FADS2: variants seen among roughly 807,000 people sequenced by gnomAD.
FADS2 encodes acyl-CoA 6-desaturase.
In FADS2, 18 loss-of-function variants were observed where a neutral mutation model predicts 61.2. The observed-to-expected ratio is 0.29, with a 90% CI of 0.20 to 0.44. FADS2 has a LOEUF of 0.44. Among genes scored for constraint, FADS2 ranks in the 20% least tolerant of loss-of-function variants. The pLI, the probability that FADS2 is intolerant of heterozygous loss-of-function variation, is 1.00. For missense variants in FADS2, 322 were observed against 572.7 expected, an observed-to-expected ratio of 0.56 and a Z score of 4.47; for synonymous variants, 203 against 223.9, an observed-to-expected ratio of 0.91 and a Z score of 0.83.
In FADS2 at chr11:61,821,175, A is replaced by G. The variant is rs552711248; in HGVS notation, c.141+4749A>G. Among the ~76,000 whole-genome samples, 9 of 152,318 alleles carry G rather than the reference A, an allele frequency of 5.9e-5. No individual in the cohort carries two copies. In the East Asian group the frequency reaches 1.5e-3, roughly 26 times the overall value. On this transcript the variant is annotated intron_variant, in intron 1 of 11. Coordinates refer to the FADS2 transcript ENST00000257261. ...TTTTAGGTTGCCACTTGTGAATACT[A>G]ACTGTTCTGGCCAAATTAATCCTCA... is the stretch of plus-strand genomic sequence containing the variant.
Position 61,816,947 on chromosome 11 carries a change from G to A in FADS2, c.141+521G>A. The A allele has an allele frequency of 2.2e-6, 3 of 1,375,896 alleles. No homozygotes were observed. The highest frequency in any genetic ancestry group is 3.9e-5 in the Admixed American group (1 of 25,886). 85.2% of individuals were successfully genotyped at this position (1,375,896 alleles called of 1,614,324 possible). A position where few individuals can be genotyped will look rare whatever the true frequency, so the allele number is the denominator to read the frequency against. The stretch of plus-strand genomic sequence containing the variant: ...GTTCCCATTGGCCGAGCCTCGTGGC[G>A]CGGGGAGCGAGATCCCGTCCCCCGG... On this transcript the variant is annotated intron_variant, in intron 1 of 11. Coordinates refer to the FADS2 transcript ENST00000257261. This position sits in a 1 kb window ranked among gnomAD's most constrained non-coding sequence, Gnocchi z 7.0.
intron 2 of FADS2, among the ~76,000 whole-genome samples, chr11:61,838,181 C>T (rs1193644752): frequency 1.3e-5 from 2 of 152,160 alleles, no homozygotes; most frequent in Non-Finnish European, 2.9e-5. Context: ...AAAGACAGGA[C>T]AGAAACACCG....
At chr11:61,835,755 C>T (rs564942968) in intron 1 of FADS2, among the ~76,000 whole-genome samples, 1 of 152,240 alleles carries the variant, frequency 6.6e-6, no homozygotes, top group East Asian at 1.9e-4. Flanking sequence ...CAAGCAAACA[C>T]CTGTGTATCC....
intron 6 of FADS2, 33 bp downstream of exon 6, chr11:61,857,104 A>G: frequency 6.4e-7 from 1 of 1,573,434 alleles, no homozygotes; most frequent in Non-Finnish European, 8.7e-7. Flanking sequence ...TCACTCTGGG[A>G]CCCTCCCCTC....
intron 5 of FADS2, among the ~76,000 whole-genome samples, chr11:61,849,184 C>A (rs904764235): frequency 2.6e-5 from 4 of 152,232 alleles, no homozygotes; most frequent in Non-Finnish European, 4.4e-5. Flanking sequence ...CATGAGCCAA[C>A]GTGCCCAGCC....
rs909222654 is a variant in FADS2, at chr11:61,816,876, CG to C, written c.141+453del. The C allele has an allele frequency of 6.8e-7, 1 of 1,476,878 alleles. No homozygotes were observed. The allele number at this position is 1,476,878 out of a possible 1,614,324, so 91.5% of individuals were successfully genotyped here. A position where few individuals can be genotyped will look rare whatever the true frequency, so the allele number is the denominator to read the frequency against. Reference sequence around the variant, plus strand: ...CGCCCAGAGCCAGCCGCCTGCGCGCCGGGTTTTCAGCACCGCAGGGCAGACC... The same window carrying C: ...CGCCCAGAGCCAGCCGCCTGCGCGCCGGTTTTCAGCACCGCAGGGCAGACC... On this transcript the variant is annotated intron_variant, in intron 1 of 11. Coordinates refer to the FADS2 transcript ENST00000257261. This position sits in a 1 kb window ranked among gnomAD's most constrained non-coding sequence, Gnocchi z 7.0.
At chr11:61,832,707 G>A (rs2067139400) in intron 1 of FADS2, among the ~76,000 whole-genome samples, 1 of 152,184 alleles carries the variant, frequency 6.6e-6, no homozygotes. Context: ...GCTGCAGAAA[G>A]GAAGTCAGCA....
chr11:61,816,458 A>T lies in FADS2; in HGVS notation c.141+32A>T, dbSNP rs750647716. The T allele has an allele frequency of 3.1e-6, 5 of 1,600,090 alleles. No homozygotes were observed. The East Asian group carries it at 8.9e-5, about 29-fold the overall frequency. On this transcript the variant is annotated intron_variant, in intron 1 of 11. Coordinates refer to the FADS2 transcript ENST00000257261. The surrounding 1 kb of genome is among the most constrained non-coding windows in gnomAD (Gnocchi z 7.0). ...TCAGGCGCCTCCGGGCTTTCCTCCG[A>T]ATTAGTCGGTGTTTGGCTCGGAGTG...
intron 2 of FADS2, among the ~76,000 whole-genome samples, chr11:61,838,443 AG>A (rs760535357): frequency 6.6e-6 from 1 of 152,162 alleles, no homozygotes; most frequent in Non-Finnish European, 1.5e-5. Context: ...GACAGGAGGC[AG>A]GGGCAGGGCA....
chr11:61,865,947 C>T lies in FADS2; in HGVS notation c.*258C>T. 1.9e-6 allele frequency: 1 copy of T among 536,322 alleles called. No homozygotes were observed. Among genetic ancestry groups the T allele is most frequent in the South Asian group, 2.9e-5 (1 of 34,590 alleles). 33.2% of individuals were successfully genotyped at this position (536,322 alleles called of 1,614,324 possible). A position where few individuals can be genotyped will look rare whatever the true frequency, so the allele number is the denominator to read the frequency against. ...TCCCAGTGCCTCCTAGCCCCTTCTTCCAAGGAGCAGAGAGGTGGCCACCGG... is the reference window on the plus strand; with the variant it reads ...TCCCAGTGCCTCCTAGCCCCTTCTTTCAAGGAGCAGAGAGGTGGCCACCGG... On this transcript the variant is annotated 3_prime_UTR_variant, in exon 12 of 12. Transcript: ENST00000278840. The surrounding 1 kb of genome is among the most constrained non-coding windows in gnomAD (Gnocchi z 4.1).
chr11:61,863,897 A>G lies in FADS2; in HGVS notation c.1157+111A>G, dbSNP rs1294170923. The G allele has an allele frequency of 6.6e-6, 6 of 903,854 alleles. No homozygotes were observed. In the East Asian group the frequency reaches 1.5e-4, roughly 23 times the overall value. 56.0% of individuals were successfully genotyped at this position (903,854 alleles called of 1,614,324 possible). ...GGGCCACCTCTTTGTCTCTCTGACA[A>G]GGTCTCTGCCCAATATAGAGCAAGG... On this transcript the variant is annotated intron_variant, in intron 10 of 11. Coordinates refer to ENST00000278840, the MANE Select transcript of FADS2 (RefSeq NM_004265.4).
upstream of FADS2, chr11:61,826,237 C>T: frequency 1.4e-6 from 1 of 702,298 alleles, no homozygotes; most frequent in Non-Finnish European, 2.6e-6. Context: ...CTTTGAACTT[C>T]ATTCATTCAT....
chr11:61,841,332 G>A (rs2067215208), intron 4 of FADS2, among the ~76,000 whole-genome samples: 1 of 152,084 alleles, frequency 6.6e-6, no homozygotes, highest in African/African-American at 2.4e-5. Flanking sequence ...TTACAGGTGT[G>A]AGCCACCGCA....
chr11:61,832,568 C>T (rs1478484568), intron 1 of FADS2, among the ~76,000 whole-genome samples: 1 of 152,174 alleles, frequency 6.6e-6, no homozygotes, highest in African/African-American at 2.4e-5. Context: ...AGTGCATGGA[C>T]CCTGTGTTAT....
chr11:61,861,492 T>A (rs174615), intron 7 of FADS2, among the ~76,000 whole-genome samples: 75,394 of 150,204 alleles, frequency 0.5, 19,417 homozygotes, highest in Admixed American at 0.62. Context: ...CAAAAAAAAA[T>A]AATCCGTAAC....
intron 1 of FADS2, chr11:61,817,137 G>T: frequency 1.9e-6 from 1 of 519,042 alleles, no homozygotes; most frequent in Non-Finnish European, 3.2e-6. Flanking sequence ...GGCCCTGGGT[G>T]CGGGGCCGCG....
chr11:61,854,684 G>GA (rs1057506007), intron 5 of FADS2: 4 of 152,284 alleles, frequency 2.6e-5, no homozygotes, highest in African/African-American at 9.6e-5. Context: ...GATGAGAGCA[G>GA]AGAGTTAGCC....
chr11:61,849,201 G>A (rs1386601444), intron 5 of FADS2, among the ~76,000 whole-genome samples: 1 of 152,180 alleles, frequency 6.6e-6, no homozygotes, highest in Admixed American at 6.5e-5. Context: ...AGCCGAGAGA[G>A]TCACGTAATT....
chr11:61,850,758 A>G lies in FADS2; in HGVS notation c.744+2474A>G, dbSNP rs138188835. On this transcript the variant is annotated intron_variant, in intron 5 of 11. Coordinates refer to ENST00000278840, the MANE Select transcript of FADS2 (RefSeq NM_004265.4). ...TGCTTTTATGCAGATCTTAGGAGCC[A>G]CAAAGCCATGCATAGAGTAGGGTTC... is the stretch of plus-strand genomic sequence containing the variant. Among the ~76,000 whole-genome samples, 393 of 152,360 alleles carry G rather than the reference A, an allele frequency of 2.6e-3. 2 individuals are homozygous for G. Among genetic ancestry groups the G allele is most frequent in the African/African-American group, 8.8e-3 (367 of 41,588 alleles).
Sources: gnomAD v4.1 joint callset for allele counts (sites outside exome capture counted in the v4.1 genomes callset) on GRCh38, gnomAD v4.1.1 for gene constraint, Gnocchi (gnomAD v3.1) non-coding constraint, MANE v1.5 for transcripts, NCBI Gene and HGNC (gene_info 2026-07-23, HGNC 2026-07-21) for gene names.